MYRFL: variants seen among roughly 807,000 people sequenced by gnomAD.
MYRFL encodes myelin regulatory factor-like protein.
MYRFL carries 88 observed loss-of-function variants against 109.4 expected under a neutral mutation model. The ratio of observed to expected loss-of-function variants is 0.80; its 90% CI spans 0.68 to 0.96. The LOEUF is 0.96. Among genes scored for constraint, MYRFL ranks in the 40% least tolerant of loss-of-function variants. The pLI, the probability that MYRFL is intolerant of heterozygous loss-of-function variation, is 0.00. For synonymous variants in MYRFL, 324 were observed against 320.9 expected (o/e 1.01, Z -0.10); for missense variants, 957 against 954.9 (o/e 1.00, Z -0.03).
chr12:69,887,655 G>GTTAAAATTTTCCAAATTCAAATT (rs532808444), intron 6 of MYRFL, among the ~76,000 whole-genome samples: 1 of 152,110 alleles, frequency 6.6e-6, no homozygotes, highest in Non-Finnish European at 1.5e-5. Context: ...TATAACTTAA[G>GTTAAAATTTTCCAAATTCAAATT]TTAAAATTTT....
intron 13 of MYRFL, among the ~76,000 whole-genome samples, chr12:69,923,017 A>T (rs936037621): frequency 1.3e-5 from 2 of 152,072 alleles, no homozygotes; most frequent in East Asian, 1.9e-4. Flanking sequence ...TACAAGATTT[A>T]AAAAAAATGA....
intron 11 of MYRFL, among the ~76,000 whole-genome samples, chr12:69,905,260 G>C (rs764476264): frequency 6.6e-6 from 1 of 152,182 alleles, no homozygotes; most frequent in Admixed American, 6.5e-5. Context: ...AACCCTTCCT[G>C]CTACCACCAG....
At chr12:69,864,812 C>T (rs1884919471) in intron 2 of MYRFL, among the ~76,000 whole-genome samples, 1 of 152,160 alleles carries the variant, frequency 6.6e-6, no homozygotes, top group African/African-American at 2.4e-5. Flanking sequence ...CCTCTCACTA[C>T]ATCCCAGTAA....
chr12:69,835,045 G>A (rs1003806308), intron 1 of MYRFL, among the ~76,000 whole-genome samples: 31 of 152,322 alleles, frequency 2.0e-4, no homozygotes, highest in African/African-American at 7.2e-4. Context: ...AAATCTGTAA[G>A]AAGTTCTGAA....
chr12:69,940,575 C>A (rs2120503626), intron 19 of MYRFL, among the ~76,000 whole-genome samples: 1 of 152,240 alleles, frequency 6.6e-6, no homozygotes, highest in South Asian at 2.1e-4. Context: ...AAAGGAACAA[C>A]CGGTACCAGC....
At chr12:69,907,339 G>C (rs1346904469) in intron 11 of MYRFL, among the ~76,000 whole-genome samples, 1 of 152,164 alleles carries the variant, frequency 6.6e-6, no homozygotes, top group Non-Finnish European at 1.5e-5. Context: ...GTATGTCTTG[G>C]GGAATCAAGG....
chr12:69,871,267 C>G (rs546929412), intron 2 of MYRFL, among the ~76,000 whole-genome samples: 6 of 131,772 alleles, frequency 4.6e-5, no homozygotes, highest in Non-Finnish European at 9.3e-5. Flanking sequence ...GAGTCTTGCT[C>G]TGTCGCCCAG....
chr12:69,952,324 T>C (rs973120713), intron 20 of MYRFL, 149 bp downstream of exon 20: 2 of 684,816 alleles, frequency 2.9e-6, no homozygotes, highest in African/African-American at 3.6e-5. Flanking sequence ...TTATAATCGA[T>C]GCCACCCTAA....
chr12:69,903,595 A>G (rs1334540326), intron 10 of MYRFL, 49 bp from the exon 11 acceptor site: 4 of 1,515,460 alleles, frequency 2.6e-6, no homozygotes, highest in South Asian at 2.4e-5. Context: ...GTGATCATCT[A>G]TTCCTGCTAC....
In MYRFL at chr12:69,958,550, C is replaced by CT; in HGVS notation, c.*22dup. The CT allele has an allele frequency of 2.0e-6, 3 of 1,497,550 alleles. No homozygotes were observed. The highest frequency in any genetic ancestry group is 2.7e-6 in the Non-Finnish European group (3 of 1,122,792). The allele number at this position is 1,497,550 out of a possible 1,614,324, so 92.8% of individuals were successfully genotyped here. A position where few individuals can be genotyped will look rare whatever the true frequency, so the allele number is the denominator to read the frequency against. ...TGCCTAATTTGTTCAAGTTTGGGGA[C>CT]TTTACCAAAGAAAAATACTCAGGAA... On this transcript the variant is annotated 3_prime_UTR_variant, in exon 25 of 25. Transcript: ENST00000552032.
chr12:69,842,207 C>T (rs1197605902), intron 1 of MYRFL, among the ~76,000 whole-genome samples: 2 of 152,212 alleles, frequency 1.3e-5, no homozygotes, highest in Admixed American at 6.5e-5. Flanking sequence ...TGACTAGTCT[C>T]TTTAAACTAG....
In MYRFL at chr12:69,932,614, C is replaced by G. The variant is rs1208808494; in HGVS notation, c.1916+16C>G. The stretch of plus-strand genomic sequence containing the variant: ...TGGCATTTTGGTAAGAAAAAGTTCA[C>G]TGTTATGCCATGTCAAGCTCTTTTG... On this transcript the variant is annotated intron_variant, in intron 16 of 24. Transcript: ENST00000552032. 6.6e-7 allele frequency: 1 copy of G among 1,516,812 alleles called. No homozygotes were observed. The highest frequency in any genetic ancestry group is 8.9e-7 in the Non-Finnish European group (1 of 1,129,506). 94.0% of individuals were successfully genotyped at this position (1,516,812 alleles called of 1,614,324 possible).
At chr12:69,865,164 A>G (rs1884943107) in intron 2 of MYRFL, among the ~76,000 whole-genome samples, 1 of 152,256 alleles carries the variant, frequency 6.6e-6, no homozygotes, top group African/African-American at 2.4e-5. Context: ...TTACTTAATT[A>G]AAGTTTTATG....
chr12:69,934,718 C>T (rs1955389989), intron 16 of MYRFL, among the ~76,000 whole-genome samples: 1 of 152,172 alleles, frequency 6.6e-6, no homozygotes, highest in Non-Finnish European at 1.5e-5. Context: ...CAGGTTGTCT[C>T]TTCCCTGAAG....
rs1956151993 is a variant in MYRFL at position 69,958,761 on chromosome 12, A to AAAAC, written c.*232_*235dup. On this transcript the variant is annotated 3_prime_UTR_variant, in exon 25 of 25. Transcript: ENST00000552032. ...GTTTGATTTTGCCATGACTATGAAG[A>AAAAC]AAACATTTCCTGGAGCAAACAGTTC... 2.2e-6 allele frequency: 1 copy of AAAAC among 462,236 alleles called. No homozygotes were observed. The highest frequency in any genetic ancestry group is 2.0e-5 in the African/African-American group (1 of 49,198). 28.6% of individuals were successfully genotyped at this position (462,236 alleles called of 1,614,324 possible). A position where few individuals can be genotyped will look rare whatever the true frequency, so the allele number is the denominator to read the frequency against.
At chr12:69,934,948 T>C (rs968574579) in intron 16 of MYRFL, among the ~76,000 whole-genome samples, 2 of 152,092 alleles carry the variant, frequency 1.3e-5, no homozygotes, top group Admixed American at 6.6e-5. Context: ...TTCAGGCTGG[T>C]TTTGGCTTGA....
At chr12:69,828,661 C>T (rs78177508) in intron 1 of MYRFL, among the ~76,000 whole-genome samples, 5,029 of 152,108 alleles carry the variant, frequency 0.033, 106 homozygotes, top group Non-Finnish European at 0.048. Flanking sequence ...ATGTGCCAAG[C>T]GCCGTGCTAT....
intron 15 of MYRFL, 103 bp from the exon 16 acceptor site, chr12:69,932,410 C>A: frequency 1.4e-6 from 1 of 728,416 alleles, no homozygotes; most frequent in South Asian, 1.7e-5. Context: ...TCAAACTATC[C>A]CAAGAGAGCA....
chr12:69,952,322 G>T (rs1234653708), intron 20 of MYRFL, 147 bp downstream of exon 20: 4 of 685,938 alleles, frequency 5.8e-6, no homozygotes, highest in East Asian at 5.4e-5. Context: ...TGTTATAATC[G>T]ATGCCACCCT....
Sources: allele counts gnomAD v4.1 joint callset (sites outside exome capture counted in the v4.1 genomes callset), GRCh38; gene constraint gnomAD v4.1.1; transcripts MANE v1.5; gene names NCBI Gene and HGNC (gene_info 2026-07-23, HGNC 2026-07-21).